CNTNAP5: variants seen among roughly 807,000 people sequenced by gnomAD.
CNTNAP5 encodes the protein contactin associated protein family member 5.
In CNTNAP5, 72 loss-of-function variants were observed where a neutral mutation model predicts 150.2. That is an observed-to-expected ratio of 0.48 (90% CI 0.40 to 0.58). The LOEUF (loss-of-function observed/expected upper bound fraction) is 0.58, where lower values mean the gene tolerates loss of function less well. CNTNAP5 is among the 20% of genes least tolerant of loss of function. CNTNAP5 has a pLI of 0.00. For missense variants in CNTNAP5, 1,636 were observed against 1,626.2 expected (o/e 1.01, Z -0.10); for synonymous variants, 672 against 619.8 (o/e 1.08, Z -1.25).
chr2:124,160,599 A>G (rs565187200), intron 1 of CNTNAP5, among the ~76,000 whole-genome samples: 3 of 152,084 alleles, frequency 2.0e-5, no homozygotes, highest in Non-Finnish European at 2.9e-5. Flanking sequence ...GCCTGTAGGT[A>G]TACAGAATAG....
chr2:124,711,705 G>T (rs1406996539), intron 13 of CNTNAP5, among the ~76,000 whole-genome samples: 3 of 152,078 alleles, frequency 2.0e-5, no homozygotes, highest in Non-Finnish European at 4.4e-5. Context: ...GCCAGGCAGG[G>T]TGGCACGTGC....
At chr2:124,904,052 T>TCA (rs1195561876) in intron 22 of CNTNAP5, among the ~76,000 whole-genome samples, 8 of 42,258 alleles carry the variant, frequency 1.9e-4, no homozygotes, top group Non-Finnish European at 1.0e-4. Flanking sequence ...AGACTCTGTT[T>TCA]CAAAAAAAAA....
rs554411893 is a variant in CNTNAP5 at position 124,920,984 on chromosome 2, T to C, written c.*6696T>C. ...TGTGGAAATGCTGGAGTCTACCTTT[T>C]CCTTTTTATCTTCTGATTTTTGTTC... On this transcript the variant is annotated 3_prime_UTR_variant, in exon 24 of 24. Transcript: ENST00000682447. Among the ~76,000 whole-genome samples, 111 of 152,278 alleles carry C rather than the reference T, an allele frequency of 7.3e-4. No individual in the cohort carries two copies. Among genetic ancestry groups the C allele is most frequent in the African/African-American group, 2.5e-3 (106 of 41,574 alleles).
chr2:124,629,498 G>C (rs147491875), intron 12 of CNTNAP5, among the ~76,000 whole-genome samples: 2 of 152,286 alleles, frequency 1.3e-5, no homozygotes, highest in African/African-American at 4.8e-5. Context: ...AAATCAAGAA[G>C]TTCTTTGAAA....
chr2:124,646,895 C>T (rs1260655840), intron 12 of CNTNAP5, among the ~76,000 whole-genome samples: 1 of 152,108 alleles, frequency 6.6e-6, no homozygotes, highest in Non-Finnish European at 1.5e-5. Context: ...ATTGCTTGAG[C>T]CCAGGAATTT....
At chr2:124,605,252 A>T (rs1343798948) in intron 11 of CNTNAP5, among the ~76,000 whole-genome samples, 1 of 152,306 alleles carries the variant, frequency 6.6e-6, no homozygotes, top group South Asian at 2.1e-4. Flanking sequence ...ATCATGGCTT[A>T]GTCATGACTT....
rs1373835716 is a variant in CNTNAP5 at position 124,524,444 on chromosome 2, A to G, written c.1469A>G (p.Tyr490Cys). 2 of 1,610,834 alleles carry G rather than the reference A, an allele frequency of 1.2e-6. No homozygotes were observed. Among genetic ancestry groups the G allele is most frequent in the African/African-American group, 2.7e-5 (2 of 74,844 alleles). ...WVQIYSGNSY[Y>C]FGGCPDNLTD... ...CAGATTTATTCTGGAAATAGCTACT[A>G]TTTTGGAGGTAAATTCTCCAGTCTT... The change falls in exon 9 of 24, where the codon TAT becomes TGT. Residue 490 changes from tyrosine to cysteine, a missense_variant. Tyr to Cys is a radical substitution (Grantham distance 194). Coordinates refer to ENST00000682447, the MANE Select transcript of CNTNAP5 (RefSeq NM_001367498.1).
At chr2:124,188,574 CCGGGCGTGGTGG>C (rs1177602829) in intron 1 of CNTNAP5, among the ~76,000 whole-genome samples, 25 of 151,856 alleles carry the variant, frequency 1.6e-4, no homozygotes, top group Non-Finnish European at 3.5e-4. Context: ...AAAAAATTAG[CCGGGCGTGGTGG>C]CGGGCGCCTG....
At chr2:124,269,097 C>T (rs1182403934) in intron 3 of CNTNAP5, among the ~76,000 whole-genome samples, 4 of 152,084 alleles carry the variant, frequency 2.6e-5, no homozygotes, top group Non-Finnish European at 5.9e-5. Context: ...ATACTACCAC[C>T]TGGGCATTGT....
rs1244138025 is a variant in CNTNAP5, at chr2:124,376,480, C to G, written c.382-40963C>G. Among the ~76,000 whole-genome samples the G allele has an allele frequency of 2.0e-5, 3 of 152,166 alleles. No individual in the cohort carries two copies. In the East Asian group the frequency reaches 5.8e-4, roughly 29 times the overall value. On this transcript the variant is annotated intron_variant, in intron 3 of 23. Transcript: ENST00000682447. The stretch of plus-strand genomic sequence containing the variant: ...TGAGATCACGGAACTGAGATTTGCT[C>G]TGCTAAGATAAAAGTTTTTCATGAT...
At chr2:124,042,782 TCATCTATC>T (rs1445894942) in intron 1 of CNTNAP5, among the ~76,000 whole-genome samples, 1 of 131,224 alleles carries the variant, frequency 7.6e-6, no homozygotes, top group Non-Finnish European at 1.6e-5. Flanking sequence ...TAACTCTCTA[TCATCTATC>T]TATCTATCTA....
rs888928494 is a variant in CNTNAP5, at chr2:124,259,069, C to T, written c.381+16676C>T. Among the ~76,000 whole-genome samples the T allele has an allele frequency of 1.2e-4, 17 of 140,874 alleles. 1 individual carries two copies. The highest frequency in any genetic ancestry group is 6.0e-5 in the Non-Finnish European group (4 of 66,380). The allele number at this position is 140,874 out of a possible 152,430, so 92.4% of individuals were successfully genotyped here. On this transcript the variant is annotated intron_variant, in intron 3 of 23. Transcript: ENST00000682447. ...TCCCCACCCTGTGTCCAAGTGTTCTCATTGTTGAATTCCCACCTATGAGTG... is the reference window on the plus strand; with the variant it reads ...TCCCCACCCTGTGTCCAAGTGTTCTTATTGTTGAATTCCCACCTATGAGTG...
intron 12 of CNTNAP5, among the ~76,000 whole-genome samples, chr2:124,637,623 C>G (rs561701438): frequency 3.9e-4 from 59 of 152,290 alleles, no homozygotes; most frequent in Admixed American, 8.5e-4. Flanking sequence ...AACATTTCCT[C>G]CCAATATGGT....
intron 1 of CNTNAP5, among the ~76,000 whole-genome samples, chr2:124,161,428 G>T (rs2104649313): frequency 6.6e-6 from 1 of 152,248 alleles, no homozygotes; most frequent in South Asian, 2.1e-4. Context: ...GAGAAGAGAA[G>T]TTGGTAGCCT....
intron 3 of CNTNAP5, among the ~76,000 whole-genome samples, chr2:124,373,953 C>G (rs190018088): frequency 9.2e-5 from 14 of 151,982 alleles, no homozygotes; most frequent in Admixed American, 3.3e-4. Flanking sequence ...GTGAAGATCA[C>G]AAGACAATAT....
At chr2:124,163,605 C>T (rs983555149) in intron 1 of CNTNAP5, among the ~76,000 whole-genome samples, 19 of 152,122 alleles carry the variant, frequency 1.2e-4, no homozygotes, top group African/African-American at 4.6e-4. Context: ...ATACAAGCAA[C>T]ACTGGCTTTG....
chr2:124,854,143 A>G (rs1243586297), intron 19 of CNTNAP5, among the ~76,000 whole-genome samples: 1 of 152,168 alleles, frequency 6.6e-6, no homozygotes, highest in Non-Finnish European at 1.5e-5. Context: ...TTCAACCCTT[A>G]TAACCACTTA....
chr2:124,531,253 A>G (rs548866061), intron 10 of CNTNAP5, among the ~76,000 whole-genome samples: 50 of 152,180 alleles, frequency 3.3e-4, no homozygotes, highest in African/African-American at 1.2e-3. Flanking sequence ...TTGATCTGAT[A>G]AGAGGAGGAG....
intron 1 of CNTNAP5, among the ~76,000 whole-genome samples, chr2:124,149,549 A>G (rs79179183): frequency 0.022 from 3,288 of 152,264 alleles, 51 homozygotes; most frequent in Middle Eastern, 0.044. Flanking sequence ...CAGGGCAAAT[A>G]ACACAATTTT....
Sources: gnomAD v4.1 joint callset for allele counts (sites outside exome capture counted in the v4.1 genomes callset) on GRCh38, gnomAD v4.1.1 for gene constraint, MANE v1.5 for transcripts, NCBI Gene and HGNC (gene_info 2026-07-23, HGNC 2026-07-21) for gene names.